Variants in PHF1 observed in about 807,000 individuals in gnomAD.
PHF1 encodes PHD finger protein 1, also known as polycomb-like 1.
A neutral mutation model predicts 69.4 loss-of-function variants in PHF1; 16 were observed. The ratio of observed to expected loss-of-function variants is 0.23; its 90% CI spans 0.16 to 0.35. The LOEUF (loss-of-function observed/expected upper bound fraction) is 0.35. Among genes scored for constraint, PHF1 ranks in the 10% least tolerant of loss-of-function variants. The pLI, the probability that PHF1 is intolerant of heterozygous loss-of-function variation, is 1.00. For synonymous variants in PHF1, 274 were observed against 275.0 expected, an observed-to-expected ratio of 1.00 and a Z score of 0.04; for missense variants, 515 against 732.8, an observed-to-expected ratio of 0.70 and a Z score of 3.43.
chr6:33,414,999 TG>T lies in PHF1; in HGVS notation c.1098del (p.Lys367SerfsTer10). On this transcript the variant is annotated frameshift_variant, in exon 12 of 15. Coordinates refer to ENST00000374516, the MANE Select transcript of PHF1 (RefSeq NM_024165.3). LOFTEE classifies it high-confidence loss of function. The surrounding 1 kb of genome is among the most constrained non-coding windows in gnomAD (Gnocchi z 5.0). ...CCTGGGGGAGGGGTCTCACGTCCCCTGGGGAAGCGCCGGAGGCCGGAGCCAG... is the reference window on the plus strand; with the variant it reads ...CCTGGGGGAGGGGTCTCACGTCCCCTGGGAAGCGCCGGAGGCCGGAGCCAG... Reference protein sequence around the residue: ...QGPGGGVSRPLGKRRRPEPEP... With the variant: ...QGPGGGVSRPXGKRRRPEPEP... The T allele has an allele frequency of 6.4e-7, 1 of 1,560,144 alleles. No homozygotes were observed.
chr6:33,415,734 G>A, intron 14 of PHF1, 64 bp downstream of exon 14: 1 of 1,608,510 alleles, frequency 6.2e-7, no homozygotes, highest in East Asian at 2.2e-5. Context: ...AAGGCTCTTA[G>A]TCTCTAACAC....
chr6:33,415,943 C>G lies in PHF1; in HGVS notation c.1549C>G (p.Leu517Val). ...TAGACGCTCAGCACCCCCTTCTCCCCTGTGCCGTAGTTTGTCTCCTGGGAC... is the reference window on the plus strand; with the variant it reads ...TAGACGCTCAGCACCCCCTTCTCCCGTGTGCCGTAGTTTGTCTCCTGGGAC... ...LPRRSAPPSP[L>V]CRSLSPGTGG... The change falls in exon 15 of 15, where the codon CTG becomes GTG. Residue 517 changes from leucine (L) to valine (V), a missense_variant. Physicochemically the swap from Leu to Val is conservative, Grantham distance 32. This residue lies in a region of PHF1 where 274 missense variants were observed against 304.5 expected (regional missense o/e 0.90). Transcript: ENST00000374516. 6.2e-7 allele frequency: 1 copy of G among 1,614,168 alleles called. No individual in the cohort carries two copies. The highest frequency in any genetic ancestry group is 8.5e-7 in the Non-Finnish European group (1 of 1,179,996).
At position 33,415,939 on chromosome 6, in the gene PHF1, T is replaced by A; in HGVS notation, c.1545T>A (p.Ser515=). Residue 515 remains serine, a synonymous_variant, in exon 15 of 15, where the codon TCT becomes TCA. Transcript: ENST00000374516. The part of the protein sequence containing the change: ...PGLPRRSAPP[S]PLCRSLSPGT... ...TTCCTAGACGCTCAGCACCCCCTTC[T>A]CCCCTGTGCCGTAGTTTGTCTCCTG... 6.2e-7 allele frequency: 1 copy of A among 1,613,956 alleles called. No homozygotes were observed. Among genetic ancestry groups the A allele is most frequent in the Non-Finnish European group, 8.5e-7 (1 of 1,179,934 alleles).
Position 33,414,233 on chromosome 6 carries a change from G to T in PHF1, c.753-10G>T. ...ATGCCTCTGTGGTCTTGAAAACTTTGTTTTTCCAGGGTGGATGTGGCCCAT... is the reference window on the plus strand; with the variant it reads ...ATGCCTCTGTGGTCTTGAAAACTTTTTTTTTCCAGGGTGGATGTGGCCCAT... On this transcript the variant is annotated splice_polypyrimidine_tract_variant and intron_variant, in intron 8 of 14. Transcript: ENST00000374516. The surrounding 1 kb of genome is among the most constrained non-coding windows in gnomAD (Gnocchi z 5.0). 6.2e-7 allele frequency: 1 copy of T among 1,614,038 alleles called. No homozygotes were observed. Among genetic ancestry groups the T allele is most frequent in the Non-Finnish European group, 8.5e-7 (1 of 1,179,994 alleles).
At chr6:33,411,428 G>T (rs868668475) in intron 1 of PHF1, among the ~76,000 whole-genome samples, 12 of 152,166 alleles carry the variant, frequency 7.9e-5, no homozygotes, top group Admixed American at 1.3e-4. Context: ...GGGGCAGGGA[G>T]CCCCGAATTT....
Position 33,413,415 on chromosome 6 carries a change from G to T in PHF1, c.445G>T (p.Gly149Cys), listed in dbSNP as rs779056192. 6.2e-7 allele frequency: 1 copy of T among 1,614,208 alleles called. No individual in the cohort carries two copies. Among genetic ancestry groups the T allele is most frequent in the Non-Finnish European group, 8.5e-7 (1 of 1,180,032 alleles). The change falls in exon 6 of 15, where the codon GGT becomes TGT. Residue 149 changes from glycine to cysteine, a missense_variant. Gly to Cys is a radical substitution (Grantham distance 159). Around this residue, in one of 5 missense-constraint regions of PHF1, gnomAD observed 142 missense variants for 309.7 expected, o/e 0.46. Coordinates refer to ENST00000374516, the MANE Select transcript of PHF1 (RefSeq NM_024165.3). ...CVFAIATKRG[G>C]ALKKGPYARA... ...ACCTGTCCTGTCTCTGCAGAGGGGA[G>T]GTGCCCTGAAGAAGGGCCCCTATGC... is the stretch of plus-strand genomic sequence containing the variant.
rs1173272639 is a variant in PHF1, at chr6:33,412,503, T to G, written c.160-5T>G. On this transcript the variant is annotated splice_polypyrimidine_tract_variant and splice_region_variant and intron_variant, in intron 2 of 14. Coordinates refer to ENST00000374516, the MANE Select transcript of PHF1 (RefSeq NM_024165.3). This position sits in a 1 kb window ranked among gnomAD's most constrained non-coding sequence, Gnocchi z 4.2. ...CATTTCATCCTGTTTGCTCACCCAT[T>G]CCAGGTGGACAGTGCTAGGGAGGTG... 6.2e-7 allele frequency: 1 copy of G among 1,614,124 alleles called. No individual in the cohort carries two copies. Among genetic ancestry groups the G allele is most frequent in the Non-Finnish European group, 8.5e-7 (1 of 1,180,042 alleles).
Position 33,415,798 on chromosome 6 carries a change from T to G in PHF1, c.1416-12T>G. On this transcript the variant is annotated splice_polypyrimidine_tract_variant and intron_variant, in intron 14 of 14. Transcript: ENST00000374516. The stretch of plus-strand genomic sequence containing the variant: ...TTTCTGCCCATTTCTTACAATTGCC[T>G]TCTCTCCCTAGGTCACCCCTGGAAC... 1 of 1,594,992 alleles carries G rather than the reference T, an allele frequency of 6.3e-7. No homozygotes were observed. The highest frequency in any genetic ancestry group is 8.6e-7 in the Non-Finnish European group (1 of 1,166,444).
At position 33,416,391 on chromosome 6, in the gene PHF1, A is replaced by T. The variant is rs937815127; in HGVS notation, c.*293A>T. 1.0e-5 allele frequency: 5 copies of T among 500,400 alleles called. No individual in the cohort carries two copies. The highest frequency in any genetic ancestry group is 7.1e-5 in the Admixed American group (2 of 28,000). 31.0% of individuals were successfully genotyped at this position (500,400 alleles called of 1,614,324 possible). On this transcript the variant is annotated 3_prime_UTR_variant, in exon 15 of 15. Coordinates refer to ENST00000374516, the MANE Select transcript of PHF1 (RefSeq NM_024165.3). ...GGGCAGAGACTGAGGAGGGAGGATGATAAGGGATCCCGGACTCTGTATGAT... is the reference window on the plus strand; with the variant it reads ...GGGCAGAGACTGAGGAGGGAGGATGTTAAGGGATCCCGGACTCTGTATGAT...
chr6:33,412,175 A>AG lies in PHF1; in HGVS notation c.-16-73_-16-72insG, dbSNP rs923448811. On this transcript the variant is annotated intron_variant, in intron 1 of 14. Coordinates refer to ENST00000374516, the MANE Select transcript of PHF1 (RefSeq NM_024165.3). This position sits in a 1 kb window ranked among gnomAD's most constrained non-coding sequence, Gnocchi z 4.2. ...AAACTCCATCTCAGGAAAAAAAAAA[A>AG]AAAAAGAAAAAGAAAATGGGGAAGG... 6 of 1,190,586 alleles carry AG rather than the reference A, an allele frequency of 5.0e-6. No individual in the cohort carries two copies. The African/African-American group carries it at 6.2e-5, about 12-fold the overall frequency. 73.8% of individuals were successfully genotyped at this position (1,190,586 alleles called of 1,614,324 possible). A position where few individuals can be genotyped will look rare whatever the true frequency, so the allele number is the denominator to read the frequency against.
Position 33,415,661 on chromosome 6 carries a change from C to T in PHF1, c.1406C>T (p.Pro469Leu), listed in dbSNP as rs767685893. 1.9e-6 allele frequency: 3 copies of T among 1,613,822 alleles called. No individual in the cohort carries two copies. The highest frequency in any genetic ancestry group is 2.2e-5 in the East Asian group (1 of 44,884). Residue 469 changes from proline to leucine, a missense_variant, in exon 14 of 15, where the codon CCC (proline) becomes CTC (leucine). By Grantham distance (98) the Pro-to-Leu change is moderately conservative. Transcript: ENST00000374516. ...GCAGGGACCTCTGGGGACAGTGGAC[C>T]CCCAGACAGGTGAGATTCTGTCTTC... ...STAGTSGDSG[P>L]PDRSPLELHI...
chr6:33,413,319 C>A, intron 5 of PHF1, 23 bp downstream of exon 5: 2 of 1,611,504 alleles, frequency 1.2e-6, no homozygotes, highest in Non-Finnish European at 1.7e-6. Flanking sequence ...CCCTGTTACC[C>A]TTCCTGTGGG....
rs745807018 is a variant in PHF1 at position 33,413,401 on chromosome 6, C to A, written c.439-8C>A. On this transcript the variant is annotated splice_region_variant and splice_polypyrimidine_tract_variant and intron_variant, in intron 5 of 14. Transcript: ENST00000374516. ...CTCTGAAGCCACCCACCTGTCCTGT[C>A]TCTGCAGAGGGGAGGTGCCCTGAAG... 1 of 1,614,070 alleles carries A rather than the reference C, an allele frequency of 6.2e-7. No individual in the cohort carries two copies. Among genetic ancestry groups the A allele is most frequent in the Non-Finnish European group, 8.5e-7 (1 of 1,179,952 alleles).
intron 14 of PHF1, 27 bp downstream of exon 14, chr6:33,415,697 G>A: frequency 6.2e-7 from 1 of 1,611,788 alleles, no homozygotes; most frequent in African/African-American, 1.3e-5. Context: ...TATTACCAGT[G>A]ATGCTCTTCT....
Position 33,412,196 on chromosome 6 carries a change from G to T in PHF1, c.-16-52G>T. On this transcript the variant is annotated intron_variant, in intron 1 of 14. Transcript: ENST00000374516. The surrounding 1 kb of genome is among the most constrained non-coding windows in gnomAD (Gnocchi z 4.2). Reference sequence around the variant, plus strand: ...AAAAAAAAAAGAAAAAGAAAATGGGGAAGGTTTCTCAGCATTCATAACCTT... The same window carrying T: ...AAAAAAAAAAGAAAAAGAAAATGGGTAAGGTTTCTCAGCATTCATAACCTT... 1 of 1,256,690 alleles carries T rather than the reference G, an allele frequency of 8.0e-7. No individual in the cohort carries two copies. The highest frequency in any genetic ancestry group is 1.1e-6 in the Non-Finnish European group (1 of 887,030). 77.8% of individuals were successfully genotyped at this position (1,256,690 alleles called of 1,614,324 possible). A position where few individuals can be genotyped will look rare whatever the true frequency, so the allele number is the denominator to read the frequency against.
intron 4 of PHF1, 183 bp from the exon 5 acceptor site, chr6:33,413,013 A>T: frequency 1.4e-6 from 1 of 701,642 alleles, no homozygotes. Context: ...TTTTCTAACC[A>T]TATGACCTCG....
Position 33,412,483 on chromosome 6 carries a change from C to T in PHF1, c.160-25C>T. ...CCTTATCTAATTCTGGTTCCCATTT[C>T]ATCCTGTTTGCTCACCCATTCCAGG... On this transcript the variant is annotated intron_variant, in intron 2 of 14. Transcript: ENST00000374516. The surrounding 1 kb of genome is among the most constrained non-coding windows in gnomAD (Gnocchi z 4.2). The T allele has an allele frequency of 1.9e-6, 3 of 1,614,198 alleles. No individual in the cohort carries two copies. Among genetic ancestry groups the T allele is most frequent in the East Asian group, 2.2e-5 (1 of 44,888 alleles).
Position 33,412,936 on chromosome 6 carries a change from C to G in PHF1, c.337+143C>G, listed in dbSNP as rs938354633. On this transcript the variant is annotated intron_variant, in intron 4 of 14. Coordinates refer to ENST00000374516, the MANE Select transcript of PHF1 (RefSeq NM_024165.3). This position sits in a 1 kb window ranked among gnomAD's most constrained non-coding sequence, Gnocchi z 4.2. ...TCTTAGTCCTCATCCGCTTTCAGCC[C>G]AGGGAGAAGCAGCCATGGAAAGGGG... is the stretch of plus-strand genomic sequence containing the variant. 6 of 741,732 alleles carry G rather than the reference C, an allele frequency of 8.1e-6. No homozygotes were observed. The Admixed American group carries it at 1.4e-4, about 17-fold the overall frequency. The allele number at this position is 741,732 out of a possible 1,614,324, so 45.9% of individuals were successfully genotyped here.
In PHF1 at chr6:33,413,080, T is replaced by C. The variant is rs182453426; in HGVS notation, c.338-116T>C. The C allele has an allele frequency of 9.3e-4, 874 of 944,742 alleles. 1 individual carries two copies. Among genetic ancestry groups the C allele is most frequent in the Non-Finnish European group, 1.4e-3 (792 of 581,960 alleles). The allele number at this position is 944,742 out of a possible 1,614,324, so 58.5% of individuals were successfully genotyped here. A position where few individuals can be genotyped will look rare whatever the true frequency, so the allele number is the denominator to read the frequency against. On this transcript the variant is annotated intron_variant, in intron 4 of 14. Transcript: ENST00000374516. The stretch of plus-strand genomic sequence containing the variant: ...TCCCTGACTTGTAAAATAAGGATAA[T>C]GCACCCCCTCATCAAGACCATGGTC...
Sources: allele counts gnomAD v4.1 joint callset (sites outside exome capture counted in the v4.1 genomes callset), GRCh38; gene constraint gnomAD v4.1.1; regional missense constraint gnomAD v4.1.1; non-coding constraint Gnocchi (gnomAD v3.1); transcripts MANE v1.5; gene names NCBI Gene and HGNC (gene_info 2026-07-23, HGNC 2026-07-21).